Variants in C1orf167 observed in about 807,000 individuals in gnomAD.
C1orf167 encodes uncharacterized protein C1orf167.
Under a neutral mutation model 176.5 loss-of-function variants are expected in C1orf167, and 153 were observed. That is an observed-to-expected ratio of 0.87 (90% CI 0.76 to 0.99). C1orf167 has a LOEUF of 0.99. C1orf167 is among the 50% of genes least tolerant of loss of function. The pLI is 0.00. For missense variants in C1orf167, 1,490 were observed against 1,817.7 expected, an observed-to-expected ratio of 0.82 and a Z score of 3.28; for synonymous variants, 594 against 752.7, an observed-to-expected ratio of 0.79 and a Z score of 3.45.
intron 19 of C1orf167, 28 bp from the exon 20 acceptor site, chr1:11,788,624 A>G (rs1643976260): frequency 7.7e-7 from 1 of 1,300,450 alleles, no homozygotes; most frequent in African/African-American, 1.5e-5. Context: ...TGAGCACAAG[A>G]GGCCTTCTCT....
intron 13 of C1orf167, among the ~76,000 whole-genome samples, chr1:11,780,426 G>C (rs1106409): frequency 0.8 from 121,988 of 152,084 alleles, 50,691 homozygotes; most frequent in East Asian, 0.99. Context: ...CTCCCATCCC[G>C]TAGCAAATTC....
chr1:11,771,634 C>T lies in C1orf167; in HGVS notation c.1808C>T (p.Ala603Val), dbSNP rs1468212427. Residue 603 changes from alanine to valine, a missense_variant and splice_region_variant, in exon 7 of 21, where the codon GCT becomes GTT. Transcript: ENST00000688073. ...CAGATCCTGCAGGCCCTGCAACTGG[C>T]TGGTGAGACGTGGGGTGCTGGGAAA... ...RVQILQALQL[A>V]VFFLWCQQKK... is the part of the protein sequence containing the mutation. 7.8e-7 allele frequency: 1 copy of T among 1,289,492 alleles called. No individual in the cohort carries two copies. Among genetic ancestry groups the T allele is most frequent in the South Asian group, 1.2e-5 (1 of 81,010 alleles). 79.9% of individuals were successfully genotyped at this position (1,289,492 alleles called of 1,614,324 possible).
rs1202812799 is a variant in C1orf167 at position 11,766,554 on chromosome 1, C to T, written c.768C>T (p.Cys256=). 8.0e-7 allele frequency: 1 copy of T among 1,243,688 alleles called. No homozygotes were observed. The highest frequency in any genetic ancestry group is 1.0e-6 in the Non-Finnish European group (1 of 965,076). The allele number at this position is 1,243,688 out of a possible 1,614,324, so 77.0% of individuals were successfully genotyped here. A position where few individuals can be genotyped will look rare whatever the true frequency, so the allele number is the denominator to read the frequency against. ...CLAQEAARLR[C]QAPQEPPGAV... is the part of the protein sequence containing the mutation. The stretch of plus-strand genomic sequence containing the variant: ...CGCAGGAGGCAGCCCGACTCAGGTG[C>T]CAGGCTCCCCAGGAACCCCCCGGTG... The change falls in exon 3 of 21, where the codon TGC becomes TGT. Residue 256 remains cysteine, a synonymous_variant. Transcript: ENST00000688073. The surrounding 1 kb of genome is among the most constrained non-coding windows in gnomAD (Gnocchi z 4.5).
At chr1:11,764,522 T>A in intron 2 of C1orf167, 52 bp downstream of exon 2, 1 of 1,264,488 alleles carries the variant, frequency 7.9e-7, no homozygotes, top group Non-Finnish European at 1.0e-6. Context: ...GGGCCCTCTC[T>A]AGGTATTGGC....
At position 11,766,798 on chromosome 1, in the gene C1orf167, TC is replaced by T; in HGVS notation, c.1015del (p.Asn340IlefsTer12). 7.8e-7 allele frequency: 1 copy of T among 1,289,560 alleles called. No individual in the cohort carries two copies. The allele number at this position is 1,289,560 out of a possible 1,614,324, so 79.9% of individuals were successfully genotyped here. A position where few individuals can be genotyped will look rare whatever the true frequency, so the allele number is the denominator to read the frequency against. On this transcript the variant is annotated frameshift_variant, in exon 3 of 21. Coordinates refer to ENST00000688073, the MANE Select transcript of C1orf167 (RefSeq NM_001010881.2). LOFTEE classifies it high-confidence loss of function. This position sits in a 1 kb window ranked among gnomAD's most constrained non-coding sequence, Gnocchi z 4.5. Reference sequence around the variant, plus strand: ...CACTTTGGGGACACGGACCAAGGATTCCCTTAATCCTGAGCAGGGGCTCCCT... The same window carrying T: ...CACTTTGGGGACACGGACCAAGGATTCCTTAATCCTGAGCAGGGGCTCCCT... ...ETTLGTRTKD[S>X]LNPEQGLPPA... is the part of the protein sequence containing the mutation.
chr1:11,778,590 G>GCC, intron 10 of C1orf167, 70 bp from the exon 11 acceptor site: 1 of 1,209,532 alleles, frequency 8.3e-7, no homozygotes. Flanking sequence ...GGGTAGGGTA[G>GCC]CCCCTGCTTG....
intron 13 of C1orf167, among the ~76,000 whole-genome samples, chr1:11,780,475 G>A (rs1413721554): frequency 6.6e-6 from 1 of 152,202 alleles, no homozygotes; most frequent in African/African-American, 2.4e-5. Flanking sequence ...CAGGAGTCAG[G>A]TGGCAGAGCA....
At chr1:11,782,023 C>A (rs551206071) in intron 13 of C1orf167, among the ~76,000 whole-genome samples, 166 bp from the exon 14 acceptor site, 1 of 152,188 alleles carries the variant, frequency 6.6e-6, no homozygotes, top group East Asian at 1.9e-4. Context: ...GCTGGGCTGG[C>A]CTGGTCACCA....
rs938396232 is a variant in C1orf167 at position 11,784,434 on chromosome 1, C to T, written c.3266C>T (p.Pro1089Leu). The T allele has an allele frequency of 5.4e-6, 7 of 1,303,646 alleles. No individual in the cohort carries two copies. Among genetic ancestry groups the T allele is most frequent in the Non-Finnish European group, 7.1e-6 (7 of 988,886 alleles). 80.8% of individuals were successfully genotyped at this position (1,303,646 alleles called of 1,614,324 possible). The change falls in exon 15 of 21, where the codon CCA becomes CTA. Residue 1089 changes from proline (P) to leucine (L), a missense_variant. By Grantham distance (98) the Pro-to-Leu change is moderately conservative. Coordinates refer to ENST00000688073, the MANE Select transcript of C1orf167 (RefSeq NM_001010881.2). Reference protein sequence around the residue: ...ARAPQAFPAWPVAPGMHHEAQ... With the variant: ...ARAPQAFPAWLVAPGMHHEAQ... ...GCCCCACAGGCCTTCCCAGCATGGC[C>T]AGTGGCCCCGGGCATGCACCATGAG...
Position 11,787,994 on chromosome 1 carries a change from C to T in C1orf167, c.3795C>T (p.Ser1265=). 1 of 1,304,060 alleles carries T rather than the reference C, an allele frequency of 7.7e-7. No homozygotes were observed. Among genetic ancestry groups the T allele is most frequent in the Non-Finnish European group, 1.0e-6 (1 of 988,798 alleles). The allele number at this position is 1,304,060 out of a possible 1,614,324, so 80.8% of individuals were successfully genotyped here. A position where few individuals can be genotyped will look rare whatever the true frequency, so the allele number is the denominator to read the frequency against. Residue 1265 remains serine, a synonymous_variant, in exon 18 of 21, where the codon AGC becomes AGT. Coordinates refer to ENST00000688073, the MANE Select transcript of C1orf167 (RefSeq NM_001010881.2). ...TRDQGPRAHS[S]PEPRACKAQS... ...ACCAGGGACCAAGAGCGCACTCCAG[C>T]CCTGAGCCCAGAGCCTGCAAAGCCC...
chr1:11,781,572 G>A, intron 13 of C1orf167, among the ~76,000 whole-genome samples: 1 of 152,124 alleles, frequency 6.6e-6, no homozygotes, highest in East Asian at 1.9e-4. Flanking sequence ...CAGGAACACT[G>A]AGCCAGTGTT....
At chr1:11,776,695 C>T (rs949643994) in intron 10 of C1orf167, 57 bp downstream of exon 10, 20 of 1,169,366 alleles carry the variant, frequency 1.7e-5, no homozygotes, top group Admixed American at 4.0e-5. Context: ...GGGGTGGGCA[C>T]GTGAGCAGTG....
chr1:11,768,231 T>G lies in C1orf167; in HGVS notation c.1498T>G (p.Trp500Gly). 7.8e-7 allele frequency: 1 copy of G among 1,289,878 alleles called. No individual in the cohort carries two copies. Among genetic ancestry groups the G allele is most frequent in the Non-Finnish European group, 1.0e-6 (1 of 988,850 alleles). The allele number at this position is 1,289,878 out of a possible 1,614,324, so 79.9% of individuals were successfully genotyped here. The change falls in exon 5 of 21, where the codon TGG (tryptophan) becomes GGG (glycine). Residue 500 changes from tryptophan to glycine, a missense_variant. By Grantham distance (184) the Trp-to-Gly change is radical. Transcript: ENST00000688073. The surrounding 1 kb of genome is among the most constrained non-coding windows in gnomAD (Gnocchi z 4.5). The part of the protein sequence containing the change: ...WLREAQLEAA[W>G]GQYTKVLLVR... ...CCGGGAGGCTCAGCTGGAGGCAGCA[T>G]GGGGGCAGTACACAAAGGTTCTGCT...
intron 14 of C1orf167, among the ~76,000 whole-genome samples, chr1:11,783,238 G>C (rs1164006237): frequency 6.6e-6 from 1 of 150,978 alleles, no homozygotes; most frequent in East Asian, 1.9e-4. Flanking sequence ...GGTGTAGATG[G>C]TTATTTTGTT....
At chr1:11,779,691 C>T in intron 12 of C1orf167, 111 bp from the exon 13 acceptor site, 2 of 830,870 alleles carry the variant, frequency 2.4e-6, no homozygotes, top group Non-Finnish European at 3.3e-6. Flanking sequence ...ACAGAAGAGT[C>T]ACCCAGAGCC....
chr1:11,766,549 A>T lies in C1orf167; in HGVS notation c.763A>T (p.Arg255Trp). ...HCLAQEAARL[R>W]CQAPQEPPGA... ...CCTGGCGCAGGAGGCAGCCCGACTC[A>T]GGTGCCAGGCTCCCCAGGAACCCCC... The change falls in exon 3 of 21, where the codon AGG (arginine) becomes TGG (tryptophan). Residue 255 changes from arginine (R) to tryptophan (W), a missense_variant. Physicochemically the swap from Arg to Trp is moderately radical, Grantham distance 101 (BLOSUM62 -3). Transcript: ENST00000688073. This position sits in a 1 kb window ranked among gnomAD's most constrained non-coding sequence, Gnocchi z 4.5. The T allele has an allele frequency of 8.0e-7, 1 of 1,244,880 alleles. No individual in the cohort carries two copies. The highest frequency in any genetic ancestry group is 1.0e-6 in the Non-Finnish European group (1 of 965,614). 77.1% of individuals were successfully genotyped at this position (1,244,880 alleles called of 1,614,324 possible).
In C1orf167 at chr1:11,767,101, G is replaced by A; in HGVS notation, c.1299+16G>A. 8.0e-7 allele frequency: 1 copy of A among 1,253,852 alleles called. No individual in the cohort carries two copies. Among genetic ancestry groups the A allele is most frequent in the Non-Finnish European group, 1.0e-6 (1 of 969,016 alleles). 77.7% of individuals were successfully genotyped at this position (1,253,852 alleles called of 1,614,324 possible). A position where few individuals can be genotyped will look rare whatever the true frequency, so the allele number is the denominator to read the frequency against. ...TGCGTCGAAGGTAGAGGCCCGGGGA[G>A]GCTGGAGGTGGGGTAGGGGGTAGGA... On this transcript the variant is annotated intron_variant, in intron 3 of 20. Coordinates refer to ENST00000688073, the MANE Select transcript of C1orf167 (RefSeq NM_001010881.2).
chr1:11,772,714 C>T (rs148904945), intron 8 of C1orf167, among the ~76,000 whole-genome samples: 6 of 152,022 alleles, frequency 3.9e-5, no homozygotes, highest in East Asian at 3.9e-4. Flanking sequence ...AGCTTAGTCC[C>T]GGCCTCCCAC....
At chr1:11,779,744 G>A in intron 12 of C1orf167, 58 bp from the exon 13 acceptor site, 1 of 1,215,250 alleles carries the variant, frequency 8.2e-7, no homozygotes, top group African/African-American at 1.6e-5. Context: ...GTGGGGCAGG[G>A]CTGGCCTGGG....
Sources: allele counts gnomAD v4.1 joint callset (sites outside exome capture counted in the v4.1 genomes callset), GRCh38; gene constraint gnomAD v4.1.1; non-coding constraint Gnocchi (gnomAD v3.1); transcripts MANE v1.5; gene names NCBI Gene and HGNC (gene_info 2026-07-23, HGNC 2026-07-21).